Variants in TMC1 observed in about 807,000 individuals in gnomAD.
The protein encoded by TMC1 is transmembrane channel-like protein 1.
Under a neutral mutation model 105.8 loss-of-function variants are expected in TMC1, and 84 were observed. The ratio of observed to expected loss-of-function variants is 0.79; its 90% CI spans 0.67 to 0.95. The LOEUF (loss-of-function observed/expected upper bound fraction) is 0.95, where lower values mean the gene tolerates loss of function less well. Ranked by LOEUF, TMC1 falls within the 40% of genes least tolerant of loss-of-function variation. TMC1 has a pLI of 0.00. For missense variants in TMC1, 817 were observed against 914.1 expected, an observed-to-expected ratio of 0.89 and a Z score of 1.37; for synonymous variants, 315 against 311.5, an observed-to-expected ratio of 1.01 and a Z score of -0.12.
At chr9:72,572,399 T>C (rs149542690) in intron 1 of TMC1, among the ~76,000 whole-genome samples, 184 of 152,238 alleles carry the variant, frequency 1.2e-3, no homozygotes, top group African/African-American at 4.2e-3. Context: ...TTTGTCATAT[T>C]GGCCAGGCTG....
rs189466215 is a variant in TMC1, at chr9:72,832,096, C to T, written c.2260+1414C>T. On this transcript the variant is annotated intron_variant, in intron 23 of 23. Coordinates refer to ENST00000297784, the MANE Select transcript of TMC1 (RefSeq NM_138691.3). ...TCAGCCTCCTGAGTAGTGGGGACAGCGCACACCACCATGCCTGGATAATTT... is the reference window on the plus strand; with the variant it reads ...TCAGCCTCCTGAGTAGTGGGGACAGTGCACACCACCATGCCTGGATAATTT... 4.1e-4 allele frequency among the ~76,000 whole-genome samples: 63 copies of T among 151,954 alleles called. No individual in the cohort carries two copies. The East Asian group carries it at 6.6e-3, about 16-fold the overall frequency.
chr9:72,826,045 T>C (rs1828948066), intron 20 of TMC1, among the ~76,000 whole-genome samples: 1 of 152,232 alleles, frequency 6.6e-6, no homozygotes, highest in Admixed American at 6.5e-5. Context: ...TTGTATTAAA[T>C]GTTGCACCAA....
chr9:72,578,262 ACGCGTGTGTGTGTGTGTGTGTGTG>A (rs1300871670), intron 2 of TMC1: 9 of 116,728 alleles, frequency 7.7e-5, no homozygotes, highest in African/African-American at 2.3e-4. Context: ...GCACGCGCGC[ACGCGTGTGTGTGTGTGTGTGTGTG>A]TGTGTGTGTG....
intron 4 of TMC1, among the ~76,000 whole-genome samples, chr9:72,630,078 C>T (rs1472983336): frequency 6.6e-6 from 1 of 152,024 alleles, no homozygotes; most frequent in South Asian, 2.1e-4. Context: ...CTTGGCCAGG[C>T]TGGTCTCGAA....
chr9:72,525,963 G>C (rs868164953), intron 1 of TMC1, among the ~76,000 whole-genome samples: 3 of 151,372 alleles, frequency 2.0e-5, no homozygotes, highest in Non-Finnish European at 2.9e-5. Flanking sequence ...ACTCCAGCCT[G>C]GATGACAGAG....
chr9:72,627,008 T>C (rs1825358844), intron 3 of TMC1, among the ~76,000 whole-genome samples: 1 of 151,132 alleles, frequency 6.6e-6, no homozygotes, highest in Non-Finnish European at 1.5e-5. Flanking sequence ...TTTTGAGTCA[T>C]AAATGTACTA....
chr9:72,541,963 C>T (rs1823685979), intron 1 of TMC1, among the ~76,000 whole-genome samples: 1 of 151,790 alleles, frequency 6.6e-6, no homozygotes, highest in Non-Finnish European at 1.5e-5. Flanking sequence ...AAAACAAAAA[C>T]AAAAAAACAC....
At chr9:72,540,699 C>G (rs2132064009) in intron 1 of TMC1, among the ~76,000 whole-genome samples, 2 of 152,108 alleles carry the variant, frequency 1.3e-5, no homozygotes, top group Non-Finnish European at 2.9e-5. Flanking sequence ...TTTTGATGCC[C>G]CACCCTTTGA....
intron 6 of TMC1, 60 bp downstream of exon 6, chr9:72,688,816 A>T: frequency 7.1e-7 from 1 of 1,414,896 alleles, no homozygotes; most frequent in Non-Finnish European, 9.9e-7. Context: ...AACTCAAAGA[A>T]TTTATCCTCT....
At chr9:72,678,345 T>G (rs1307376254) in intron 5 of TMC1, among the ~76,000 whole-genome samples, 3 of 152,064 alleles carry the variant, frequency 2.0e-5, no homozygotes, top group Non-Finnish European at 4.4e-5. Context: ...GCTTTCCCAT[T>G]TCCACATTGA....
At chr9:72,736,854 A>G (rs1362860148) in intron 8 of TMC1, among the ~76,000 whole-genome samples, 1 of 152,232 alleles carries the variant, frequency 6.6e-6, no homozygotes, top group Non-Finnish European at 1.5e-5. Flanking sequence ...AAAAATGGGG[A>G]TAGGCACACA....
At chr9:72,804,395 T>TA (rs1828532573) in intron 17 of TMC1, among the ~76,000 whole-genome samples, 1 of 152,040 alleles carries the variant, frequency 6.6e-6, no homozygotes, top group Non-Finnish European at 1.5e-5. Flanking sequence ...AAAGAAGACA[T>TA]AAAAAATTTA....
At chr9:72,721,407 ATC>A (rs1827023822) in intron 8 of TMC1, among the ~76,000 whole-genome samples, 1 of 152,056 alleles carries the variant, frequency 6.6e-6, no homozygotes, top group South Asian at 2.1e-4. Context: ...CAATGTATTG[ATC>A]TTGTTGAATA....
chr9:72,704,902 C>T (rs1229683976), intron 8 of TMC1, among the ~76,000 whole-genome samples: 1 of 152,126 alleles, frequency 6.6e-6, no homozygotes, highest in African/African-American at 2.4e-5. Context: ...AAACAGAATA[C>T]TCAGCTCTAC....
rs547843115 is a variant in TMC1, at chr9:72,639,596, C to T, written c.-52-9001C>T. ...CCCTGAAGTAATCTATACATTTTAT[C>T]GCTGGTCTTCAGATATGTTGGCAGA... On this transcript the variant is annotated intron_variant, in intron 4 of 23. Transcript: ENST00000297784. Among the ~76,000 whole-genome samples the T allele has an allele frequency of 1.5e-3, 225 of 152,202 alleles. 1 individual carries two copies. Among genetic ancestry groups the T allele is most frequent in the African/African-American group, 5.1e-3 (210 of 41,538 alleles).
chr9:72,697,635 A>C lies in TMC1; in HGVS notation c.237-2883A>C, dbSNP rs143177369. On this transcript the variant is annotated intron_variant, in intron 7 of 23. Coordinates refer to ENST00000297784, the MANE Select transcript of TMC1 (RefSeq NM_138691.3). ...TGGCCTGTAGGTTTAGTTACCTGGCAAATCCACACATCAAATAGATAATTC... is the reference window on the plus strand; with the variant it reads ...TGGCCTGTAGGTTTAGTTACCTGGCCAATCCACACATCAAATAGATAATTC... Among the ~76,000 whole-genome samples, 208 of 152,268 alleles carry C rather than the reference A, an allele frequency of 1.4e-3. 1 individual carries two copies. The highest frequency in any genetic ancestry group is 4.8e-3 in the African/African-American group (199 of 41,574).
chr9:72,768,566 C>G (rs1588074140), intron 12 of TMC1, among the ~76,000 whole-genome samples: 1 of 152,068 alleles, frequency 6.6e-6, no homozygotes, highest in Admixed American at 6.6e-5. Flanking sequence ...AGGCAAACTG[C>G]AGAAACCTTT....
chr9:72,647,139 C>A (rs1463318368), intron 4 of TMC1, among the ~76,000 whole-genome samples: 3 of 128,136 alleles, frequency 2.3e-5, no homozygotes, highest in Non-Finnish European at 3.2e-5. Flanking sequence ...GAGACTCCAT[C>A]TCAAAAAAAA....
At chr9:72,701,422 T>C (rs1157772524) in intron 8 of TMC1, among the ~76,000 whole-genome samples, 1 of 152,094 alleles carries the variant, frequency 6.6e-6, no homozygotes, top group African/African-American at 2.4e-5. Context: ...CCTGCCCTGG[T>C]GGTTGGGAGA....
Sources: allele counts gnomAD v4.1 joint callset (sites outside exome capture counted in the v4.1 genomes callset), GRCh38; gene constraint gnomAD v4.1.1; transcripts MANE v1.5; gene names NCBI Gene and HGNC (gene_info 2026-07-23, HGNC 2026-07-21).